Variants in AGMO observed in about 807,000 individuals in gnomAD.
AGMO encodes alkylglycerol monooxygenase, also known as glyceryl-ether monooxygenase.
A neutral mutation model predicts 60.2 loss-of-function variants in AGMO; 75 were observed. That is an observed-to-expected ratio of 1.25 (90% confidence interval 1.03 to 1.51). The LOEUF (loss-of-function observed/expected upper bound fraction) is 1.51, where lower values mean the gene tolerates loss of function less well. AGMO is among the 40% of genes most tolerant of loss of function. The pLI is 0.00. For missense variants in AGMO, 763 were observed against 525.5 expected (o/e 1.45, Z -4.42); for synonymous variants, 261 against 177.1 (o/e 1.47, Z -3.76).
intron 3 of AGMO, among the ~76,000 whole-genome samples, chr7:15,457,539 T>C (rs1219668513): frequency 6.6e-6 from 1 of 152,196 alleles, no homozygotes; most frequent in Non-Finnish European, 1.5e-5. Context: ...TGTATTGCAA[T>C]TATGATGGTT....
chr7:15,181,752 T>C, the AGMO span, among the ~76,000 whole-genome samples: 7 of 152,182 alleles, frequency 4.6e-5, no homozygotes, highest in Non-Finnish European at 5.9e-5. Flanking sequence ...TTGCTTTATA[T>C]AGTTTTAGTA....
intron 12 of AGMO, among the ~76,000 whole-genome samples, chr7:15,364,664 A>G (rs769656193): frequency 1.2e-4 from 18 of 152,042 alleles, no homozygotes; most frequent in Non-Finnish European, 2.2e-4. Context: ...GTTAACGGGT[A>G]TGTGTATTTG....
At chr7:15,197,014 G>C (rs919115466), downstream of AGMO, among the ~76,000 whole-genome samples, 12 of 150,900 alleles carry the variant, frequency 8.0e-5, no homozygotes, top group African/African-American at 2.9e-4. Context: ...AGTGAGATTT[G>C]AAAAAAATGT....
chr7:15,291,836 G>A (rs1358562539), intron 12 of AGMO, among the ~76,000 whole-genome samples: 1 of 152,166 alleles, frequency 6.6e-6, no homozygotes, highest in African/African-American at 2.4e-5. Context: ...TGAAAGAAGA[G>A]CAATGAAGGC....
At chr7:15,399,711 A>C (rs1294874179) in intron 5 of AGMO, among the ~76,000 whole-genome samples, 1 of 152,160 alleles carries the variant, frequency 6.6e-6, no homozygotes, top group Non-Finnish European at 1.5e-5. Context: ...GGGGAAGAAG[A>C]GTTAAATATA....
At chr7:15,211,162 A>G (rs1260233900) in intron 12 of AGMO, among the ~76,000 whole-genome samples, 1 of 152,062 alleles carries the variant, frequency 6.6e-6, no homozygotes, top group African/African-American at 2.4e-5. Context: ...TTCTGTATTT[A>G]TAAAATGGGA....
chr7:15,119,952 T>A, the AGMO span, among the ~76,000 whole-genome samples: 9 of 149,232 alleles, frequency 6.0e-5, no homozygotes, highest in Non-Finnish European at 1.3e-4. Context: ...TTTTTCTAAA[T>A]CCAGTTTCTC....
chr7:15,195,781 A>T (rs928778204), downstream of AGMO, among the ~76,000 whole-genome samples: 5 of 152,134 alleles, frequency 3.3e-5, no homozygotes, highest in Non-Finnish European at 7.4e-5. Context: ...CTTACCGAGG[A>T]CTTCCTTATC....
the AGMO span, among the ~76,000 whole-genome samples, chr7:15,182,258 A>G: frequency 6.2e-4 from 94 of 152,242 alleles, no homozygotes; most frequent in Middle Eastern, 3.4e-3. Context: ...GGAAAATGGG[A>G]AAGTTCTGCA....
chr7:15,317,928 T>C (rs112575781), intron 12 of AGMO, among the ~76,000 whole-genome samples: 109 of 88,264 alleles, frequency 1.2e-3, no homozygotes, highest in African/African-American at 3.8e-3. Context: ...TACACACACG[T>C]ATATATATAT....
intron 4 of AGMO, among the ~76,000 whole-genome samples, chr7:15,422,415 C>T (rs1191138726): frequency 6.6e-6 from 1 of 151,942 alleles, no homozygotes; most frequent in Non-Finnish European, 1.5e-5. Flanking sequence ...AGAGCAATGT[C>T]ACCAACCTAA....
At chr7:15,371,403 T>TTC (rs1486811447) in intron 10 of AGMO, among the ~76,000 whole-genome samples, 2 of 151,434 alleles carry the variant, frequency 1.3e-5, no homozygotes, top group African/African-American at 2.4e-5. Context: ...TTTTTTTTTT[T>TTC]CTTCGAGACA....
chr7:15,201,279 T>G lies in AGMO; in HGVS notation c.*6A>C. ...TTAAAAGAAGAGAATTATGTACAAA[T>G]TCAGGTTATTTCCAAGGGTGAGAGG... On this transcript the variant is annotated 3_prime_UTR_variant, in exon 13 of 13. Transcript: ENST00000342526. 6.2e-7 allele frequency: 1 copy of G among 1,601,272 alleles called. No homozygotes were observed. Among genetic ancestry groups the G allele is most frequent in the Non-Finnish European group, 8.5e-7 (1 of 1,171,524 alleles).
intron 12 of AGMO, among the ~76,000 whole-genome samples, chr7:15,333,618 A>G (rs1781565178): frequency 1.3e-5 from 2 of 149,224 alleles, no homozygotes; most frequent in South Asian, 2.1e-4. Context: ...AAAAAAAAAA[A>G]GAAAGAAAAA....
chr7:15,462,156 G>A (rs1321780914), intron 3 of AGMO, among the ~76,000 whole-genome samples: 1 of 152,002 alleles, frequency 6.6e-6, no homozygotes, highest in East Asian at 1.9e-4. Flanking sequence ...TTCTAAATAA[G>A]ACAAGTTTCG....
intron 10 of AGMO, among the ~76,000 whole-genome samples, chr7:15,370,985 C>A (rs1296065454): frequency 6.6e-6 from 1 of 152,062 alleles, no homozygotes; most frequent in Non-Finnish European, 1.5e-5. Flanking sequence ...CCAGAATGAT[C>A]TTCAACAAAG....
At chr7:15,323,658 C>A (rs929999095) in intron 12 of AGMO, among the ~76,000 whole-genome samples, 1 of 152,104 alleles carries the variant, frequency 6.6e-6, no homozygotes, top group Non-Finnish European at 1.5e-5. Flanking sequence ...AGCTGTCTCC[C>A]GAGCTTGCAG....
chr7:15,494,572 GCT>G (rs1423122896), intron 3 of AGMO, among the ~76,000 whole-genome samples: 3 of 152,124 alleles, frequency 2.0e-5, no homozygotes, highest in African/African-American at 7.2e-5. Flanking sequence ...TAGCAAAGAT[GCT>G]CCTGGACCAT....
At chr7:15,317,882 CACACGTATATATAT>C (rs1563083641) in intron 12 of AGMO, among the ~76,000 whole-genome samples, 1 of 148,062 alleles carries the variant, frequency 6.8e-6, no homozygotes, top group Non-Finnish European at 1.5e-5. Flanking sequence ...TATATATATA[CACACGTATATATAT>C]ACACACACAC....
Sources: gnomAD v4.1 joint callset for allele counts (sites outside exome capture counted in the v4.1 genomes callset) on GRCh38, gnomAD v4.1.1 for gene constraint, MANE v1.5 for transcripts, NCBI Gene and HGNC (gene_info 2026-07-23, HGNC 2026-07-21) for gene names.